CATSPERD: variants seen among roughly 807,000 people sequenced by gnomAD.
CATSPERD encodes the protein catsper channel auxiliary subunit delta.
A neutral mutation model predicts 98.1 loss-of-function variants in CATSPERD; 86 were observed. The observed-to-expected ratio is 0.88, with a 90% CI of 0.74 to 1.05. CATSPERD has a LOEUF of 1.05. CATSPERD is among the 50% of genes least tolerant of loss of function. The pLI is 0.00. For synonymous variants in CATSPERD, 394 were observed against 390.2 expected (o/e 1.01, Z -0.12); for missense variants, 995 against 1,005.7 (o/e 0.99, Z 0.14).
At chr19:5,753,522 A>T (rs2056263907) in intron 12 of CATSPERD, 2 of 310,474 alleles carry the variant, frequency 6.4e-6, no homozygotes, top group Non-Finnish European at 1.3e-5. Flanking sequence ...AGATTACGCC[A>T]CTGCACCCCA....
At chr19:5,777,768 G>C (rs375232217) in intron 21 of CATSPERD, among the ~76,000 whole-genome samples, 2 of 151,992 alleles carry the variant, frequency 1.3e-5, no homozygotes, top group African/African-American at 2.4e-5. Flanking sequence ...CCAGCTACTC[G>C]GGAGGCTGAG....
intron 2 of CATSPERD, 97 bp downstream of exon 2, chr19:5,724,959 A>G (rs2055576153): frequency 5.7e-6 from 6 of 1,056,320 alleles, no homozygotes; most frequent in South Asian, 3.8e-5. Context: ...CGTGTTGTCA[A>G]GCATTTAAGA....
chr19:5,750,252 T>G lies in CATSPERD; in HGVS notation c.987+1069T>G, dbSNP rs150437579. ...TCACGAGTTCAGGAGATCGTGACCA[T>G]CCTGGCTAACACGGTGAAACCCCGT... On this transcript the variant is annotated intron_variant, in intron 11 of 21. Coordinates refer to ENST00000381624, the MANE Select transcript of CATSPERD (RefSeq NM_152784.4). Among the ~76,000 whole-genome samples the G allele has an allele frequency of 4.9e-3, 719 of 147,998 alleles. 3 individuals carry two copies. Among genetic ancestry groups the G allele is most frequent in the Non-Finnish European group, 8.8e-3 (586 of 66,924 alleles).
intron 18 of CATSPERD, among the ~76,000 whole-genome samples, chr19:5,770,712 T>C (rs1599593946): frequency 6.6e-6 from 1 of 151,320 alleles, no homozygotes; most frequent in South Asian, 2.1e-4. Flanking sequence ...GCCCAGGAGG[T>C]GGAGGTTGCA....
At chr19:5,753,487 C>A (rs546725649) in intron 12 of CATSPERD, 65 of 230,804 alleles carry the variant, frequency 2.8e-4, no homozygotes, top group Non-Finnish European at 4.5e-4. Flanking sequence ...GCATGAACCC[C>A]GGAGGCAGAG....
intron 17 of CATSPERD, among the ~76,000 whole-genome samples, chr19:5,767,281 C>T (rs2056556641): frequency 1.6e-5 from 2 of 127,558 alleles, no homozygotes. Context: ...CGTGCCACTG[C>T]ACTCCAGCCT....
intron 5 of CATSPERD, 87 bp downstream of exon 5, chr19:5,734,057 T>C (rs370976065): frequency 7.8e-5 from 60 of 772,902 alleles, no homozygotes; most frequent in East Asian, 5.2e-4. Context: ...TAAGCGATGC[T>C]CCTACTTGGA....
chr19:5,770,406 G>C (rs1468908151), intron 18 of CATSPERD, among the ~76,000 whole-genome samples: 7 of 149,996 alleles, frequency 4.7e-5, no homozygotes, highest in Non-Finnish European at 1.0e-4. Context: ...CTCCAGCCTG[G>C]GCAACAAGAA....
chr19:5,742,993 T>A (rs962095302), intron 7 of CATSPERD, among the ~76,000 whole-genome samples: 1 of 152,004 alleles, frequency 6.6e-6, no homozygotes. Flanking sequence ...AAAGGAACTT[T>A]GCAGGTGGGA....
At chr19:5,728,038 C>CAAAAA (rs56411287) in intron 3 of CATSPERD, among the ~76,000 whole-genome samples, 11 of 128,386 alleles carry the variant, frequency 8.6e-5, no homozygotes, top group Middle Eastern at 3.8e-3. Context: ...CCAGTATCTA[C>CAAAAA]AAAAAAAAAA....
At chr19:5,729,977 T>G in intron 4 of CATSPERD, 33 bp downstream of exon 4, 2 of 1,183,230 alleles carry the variant, frequency 1.7e-6, no homozygotes, top group Non-Finnish European at 2.5e-6. Context: ...TGAAGGATGC[T>G]AGTATAAGTA....
intron 8 of CATSPERD, among the ~76,000 whole-genome samples, chr19:5,745,570 G>A (rs1599544350): frequency 2.0e-5 from 3 of 152,096 alleles, no homozygotes; most frequent in Admixed American, 1.3e-4. Flanking sequence ...GCAGTGAGCC[G>A]AGATCGTGCC....
chr19:5,775,157 TTACTACTGC>T, intron 20 of CATSPERD: 2 of 454,446 alleles, frequency 4.4e-6, no homozygotes, highest in Admixed American at 4.9e-5. Flanking sequence ...ACTACAACAG[TTACTACTGC>T]TACTACTTGA....
intron 19 of CATSPERD, among the ~76,000 whole-genome samples, chr19:5,771,535 G>C (rs915888058): frequency 6.6e-6 from 1 of 151,714 alleles, no homozygotes; most frequent in Admixed American, 6.6e-5. Context: ...ACTGCGCCCG[G>C]CCGATGGGCT....
intron 14 of CATSPERD, 113 bp from the exon 15 acceptor site, chr19:5,758,973 C>G: frequency 1.2e-6 from 1 of 862,416 alleles, no homozygotes; most frequent in South Asian, 1.3e-5. Flanking sequence ...AAGCGGCTTC[C>G]AGGTTCGTCC....
chr19:5,760,872 C>T (rs1457169410), intron 15 of CATSPERD, among the ~76,000 whole-genome samples: 1 of 150,932 alleles, frequency 6.6e-6, no homozygotes, highest in East Asian at 1.9e-4. Context: ...ATGGGCATGA[C>T]AATGTACTCC....
rs371791746 is a variant in CATSPERD, at chr19:5,778,488, G to A, written c.2209G>A (p.Val737Ile). Residue 737 changes from valine (V) to isoleucine (I), a missense_variant, in exon 22 of 22, where the codon GTT becomes ATT. This residue lies in a region of CATSPERD where 762 missense variants were observed against 773.7 expected (regional missense o/e 0.98). Coordinates refer to ENST00000381624, the MANE Select transcript of CATSPERD (RefSeq NM_152784.4). ...LLIISSILGS[V>I]WLAYKTPKLL... ...GATCATCTCCAGCATCCTGGGGTCC[G>A]TTTGGCTGGCCTACAAGACCCCCAA... The A allele has an allele frequency of 6.7e-5, 108 of 1,614,042 alleles. No homozygotes were observed. The African/African-American group carries it at 9.1e-4, about 14-fold the overall frequency.
intron 3 of CATSPERD, among the ~76,000 whole-genome samples, chr19:5,729,101 C>CT (rs397859853): frequency 0.033 from 4,812 of 146,136 alleles, 82 homozygotes; most frequent in Non-Finnish European, 0.037. Context: ...CTCAGTAAAT[C>CT]TTTTTTTTTT....
chr19:5,729,101 CT>C (rs397859853), intron 3 of CATSPERD, among the ~76,000 whole-genome samples: 45 of 145,912 alleles, frequency 3.1e-4, no homozygotes, highest in South Asian at 4.4e-4. Flanking sequence ...CTCAGTAAAT[CT>C]TTTTTTTTTT....
Sources: gnomAD v4.1 joint callset for allele counts (sites outside exome capture counted in the v4.1 genomes callset) on GRCh38, gnomAD v4.1.1 for gene constraint, gnomAD v4.1.1 regional missense constraint, MANE v1.5 for transcripts, NCBI Gene and HGNC (gene_info 2026-07-23, HGNC 2026-07-21) for gene names.